Variants in PCDHGA4 observed in about 807,000 individuals in gnomAD.
PCDHGA4 encodes the protein protocadherin gamma-A4.
A neutral mutation model predicts 54.6 loss-of-function variants in PCDHGA4; 38 were observed. The ratio of observed to expected loss-of-function variants is 0.70; its 90% confidence interval spans 0.54 to 0.91. PCDHGA4 has a LOEUF of 0.91. PCDHGA4 is among the 40% of genes least tolerant of loss of function. The pLI is 0.00. For missense variants in PCDHGA4, 1,298 were observed against 1,220.9 expected, an observed-to-expected ratio of 1.06 and a Z score of -0.94; for synonymous variants, 511 against 512.9, an observed-to-expected ratio of 1.00 and a Z score of 0.05.
In PCDHGA4 at chr5:141,375,737, G is replaced by C. The variant is rs373966789; in HGVS notation, c.2514+18116G>C. 19 of 1,614,262 alleles carry C rather than the reference G, an allele frequency of 1.2e-5. No homozygotes were observed. In the African/African-American group the frequency reaches 2.0e-4, roughly 17 times the overall value. Reference sequence around the variant, plus strand: ...CAGCAACGTGTCACTGAGCCTGTTTGTGCTGGACCAGAATGACAATGCGCC... The same window carrying C: ...CAGCAACGTGTCACTGAGCCTGTTTCTGCTGGACCAGAATGACAATGCGCC... On this transcript the variant is annotated intron_variant, in intron 1 of 3. Coordinates refer to ENST00000571252, the MANE Select transcript of PCDHGA4 (RefSeq NM_018917.4).
At chr5:141,383,867 A>G in intron 1 of PCDHGA4, 3 of 1,614,006 alleles carry the variant, frequency 1.9e-6, no homozygotes, top group Non-Finnish European at 1.7e-6. Context: ...CAGGCTCAAG[A>G]TGGTCCTGGT....
At chr5:141,413,513 T>C (rs1369472337) in intron 1 of PCDHGA4, 34 of 1,613,974 alleles carry the variant, frequency 2.1e-5, no homozygotes, top group Non-Finnish European at 2.9e-5. Context: ...TTTAATATCC[T>C]TGTGGAAGAC....
chr5:141,476,234 G>A lies in PCDHGA4; in HGVS notation c.2515-18573G>A. 6.2e-7 allele frequency: 1 copy of A among 1,614,070 alleles called. No individual in the cohort carries two copies. The highest frequency in any genetic ancestry group is 8.5e-7 in the Non-Finnish European group (1 of 1,180,014). On this transcript the variant is annotated intron_variant, in intron 1 of 3. Coordinates refer to ENST00000571252, the MANE Select transcript of PCDHGA4 (RefSeq NM_018917.4). The surrounding 1 kb of genome is among the most constrained non-coding windows in gnomAD (Gnocchi z 7.6). Reference sequence around the variant, plus strand: ...GGTCATTCACTATGAGATCCCGGAGGAAAGAGAGAAGGGTTTCGCTGTGGG... The same window carrying A: ...GGTCATTCACTATGAGATCCCGGAGAAAAGAGAGAAGGGTTTCGCTGTGGG...
chr5:141,442,725 G>A (rs1381140725), intron 1 of PCDHGA4, among the ~76,000 whole-genome samples: 1 of 152,198 alleles, frequency 6.6e-6, no homozygotes, highest in Admixed American at 6.5e-5. Flanking sequence ...AGCATTTGGG[G>A]CCTGTAGGTA....
chr5:141,505,486 G>A lies in PCDHGA4; in HGVS notation c.2662+5G>A, dbSNP rs1291166546. The A allele has an allele frequency of 1.8e-5, 29 of 1,614,088 alleles. No homozygotes were observed. The highest frequency in any genetic ancestry group is 2.1e-5 in the Non-Finnish European group (25 of 1,180,018). On this transcript the variant is annotated splice_donor_5th_base_variant and intron_variant, in intron 3 of 3. Transcript: ENST00000571252. ...TGATCTTGGCGTCCGCCAGTGGTAA[G>A]TGGTGTCAGTGTGTGTATGGAAGAG...
chr5:141,388,647 G>A lies in PCDHGA4; in HGVS notation c.2514+31026G>A, dbSNP rs778996768. ...ATACAGGGTGAGCCTTTCAGAAAAC[G>A]TGTACCCGGGGACCACGGTGCTACA... On this transcript the variant is annotated intron_variant, in intron 1 of 3. Coordinates refer to ENST00000571252, the MANE Select transcript of PCDHGA4 (RefSeq NM_018917.4). The A allele has an allele frequency of 6.8e-6, 11 of 1,613,892 alleles. No homozygotes were observed. The Admixed American group carries it at 1.0e-4, about 15-fold the overall frequency.
chr5:141,399,043 G>T lies in PCDHGA4; in HGVS notation c.2514+41422G>T, dbSNP rs545668357. The T allele has an allele frequency of 3.0e-5, 48 of 1,613,890 alleles. No homozygotes were observed. The South Asian group carries it at 4.9e-4, about 17-fold the overall frequency. ...TACCACTCAAAAGAAACTGGATTTTGAAGAGACCAAGGAATATTCAATGGT... is the reference window on the plus strand; with the variant it reads ...TACCACTCAAAAGAAACTGGATTTTTAAGAGACCAAGGAATATTCAATGGT... On this transcript the variant is annotated intron_variant, in intron 1 of 3. Transcript: ENST00000571252.
At chr5:141,389,390 C>A (rs759786018) in intron 1 of PCDHGA4, 1 of 1,613,718 alleles carries the variant, frequency 6.2e-7, no homozygotes, top group Non-Finnish European at 8.5e-7. Context: ...TGTCATCCTA[C>A]GTGTCCATAA....
rs143907071 is a variant in PCDHGA4, at chr5:141,372,926, G to A, written c.2514+15305G>A. 48 of 943,814 alleles carry A rather than the reference G, an allele frequency of 5.1e-5. No individual in the cohort carries two copies. In the African/African-American group the frequency reaches 7.5e-4, roughly 15 times the overall value. 58.5% of individuals were successfully genotyped at this position (943,814 alleles called of 1,614,324 possible). On this transcript the variant is annotated intron_variant, in intron 1 of 3. Coordinates refer to ENST00000571252, the MANE Select transcript of PCDHGA4 (RefSeq NM_018917.4). ...GATTACATTATTTTATTGATTTTCT[G>A]GTGTAGAGTAGGGTGTCTAGGAAAT...
rs770619389 is a variant in PCDHGA4 at position 141,490,764 on chromosome 5, T to C, written c.2515-4043T>C. On this transcript the variant is annotated intron_variant, in intron 1 of 3. Coordinates refer to ENST00000571252, the MANE Select transcript of PCDHGA4 (RefSeq NM_018917.4). The surrounding 1 kb of genome is among the most constrained non-coding windows in gnomAD (Gnocchi z 5.4). ...GAGCCCCAGCCTCCTCCTTTGTGTA[T>C]GTCAACCCAGAGGATGGACGGATCT... is the stretch of plus-strand genomic sequence containing the variant. 22 of 1,613,970 alleles carry C rather than the reference T, an allele frequency of 1.4e-5. No individual in the cohort carries two copies. Among genetic ancestry groups the C allele is most frequent in the Non-Finnish European group, 1.6e-5 (19 of 1,179,928 alleles).
At chr5:141,405,457 T>TC in intron 1 of PCDHGA4, 3 of 1,256,668 alleles carry the variant, frequency 2.4e-6, no homozygotes, top group South Asian at 1.4e-5. Context: ...TCTTACTCTG[T>TC]TACCCAGGCT....
intron 1 of PCDHGA4, chr5:141,393,857 C>G (rs753457502): frequency 6.8e-6 from 11 of 1,613,978 alleles, no homozygotes; most frequent in Non-Finnish European, 9.3e-6. Flanking sequence ...CAGAAGTGAT[C>G]ATTACGTCTT....
intron 1 of PCDHGA4, chr5:141,422,812 T>C: frequency 6.2e-7 from 1 of 1,614,206 alleles, no homozygotes; most frequent in South Asian, 1.1e-5. Context: ...GTTTCGAGAC[T>C]TAGAACTGAG....
At chr5:141,415,552 G>A in intron 1 of PCDHGA4, 1 of 1,614,098 alleles carries the variant, frequency 6.2e-7, no homozygotes, top group Admixed American at 1.7e-5. Context: ...TGAGAAAAAC[G>A]ATCCTTTGTC....
intron 1 of PCDHGA4, chr5:141,422,963 C>G (rs372620011): frequency 1.1e-5 from 17 of 1,614,238 alleles, no homozygotes; most frequent in Non-Finnish European, 1.4e-5. Context: ...GTGGAGCTGG[C>G]GCCCCGCTCT....
rs1165828230 is a variant in PCDHGA4, at chr5:141,511,464, C to T, written c.*291C>T. On this transcript the variant is annotated 3_prime_UTR_variant, in exon 4 of 4. Coordinates refer to ENST00000571252, the MANE Select transcript of PCDHGA4 (RefSeq NM_018917.4). ...ACACCAAGAACCATTTGCCACACCCCGTTTAGTTACAGCTGAACTCCTCCA... is the reference window on the plus strand; with the variant it reads ...ACACCAAGAACCATTTGCCACACCCTGTTTAGTTACAGCTGAACTCCTCCA... 9 of 538,254 alleles carry T rather than the reference C, an allele frequency of 1.7e-5. No individual in the cohort carries two copies. The highest frequency in any genetic ancestry group is 7.8e-5 in the East Asian group (2 of 25,720). 33.3% of individuals were successfully genotyped at this position (538,254 alleles called of 1,614,324 possible).
intron 1 of PCDHGA4, chr5:141,371,242 A>G (rs759523256): frequency 3.7e-6 from 6 of 1,613,916 alleles, no homozygotes; most frequent in East Asian, 2.2e-5. Context: ...GCCTTCATCA[A>G]TATTGGCAAG....
At chr5:141,392,632 C>A in intron 1 of PCDHGA4, 1 of 610,258 alleles carries the variant, frequency 1.6e-6, no homozygotes, top group Non-Finnish European at 2.7e-6. Context: ...ACTCAGATCT[C>A]ACACCTCACG....
intron 1 of PCDHGA4, chr5:141,471,166 C>T (rs1427053969): frequency 2.0e-5 from 3 of 150,492 alleles, no homozygotes; most frequent in Non-Finnish European, 2.9e-5. Context: ...TCTCCTGGCT[C>T]AGCCTCCCTA....
Sources: allele counts gnomAD v4.1 joint callset (sites outside exome capture counted in the v4.1 genomes callset), GRCh38; gene constraint gnomAD v4.1.1; non-coding constraint Gnocchi (gnomAD v3.1); transcripts MANE v1.5; gene names NCBI Gene and HGNC (gene_info 2026-07-23, HGNC 2026-07-21).